The following CEP83 variants were observed in gnomAD, a reference collection of about 807,000 sequenced individuals.
The protein encoded by CEP83 is centrosomal protein 83.
Under a neutral mutation model 101.9 loss-of-function variants are expected in CEP83, and 70 were observed. That is an observed-to-expected ratio of 0.69 (90% CI 0.57 to 0.84). The LOEUF is 0.84. Among genes scored for constraint, CEP83 ranks in the 40% least tolerant of loss-of-function variants. The pLI, the probability that CEP83 is intolerant of heterozygous loss-of-function variation, is 0.00. For synonymous variants in CEP83, 264 were observed against 267.9 expected (o/e 0.99, Z 0.14); for missense variants, 715 against 787.2 (o/e 0.91, Z 1.10).
chr12:94,384,395 G>T (rs1421775847), intron 6 of CEP83, among the ~76,000 whole-genome samples: 1 of 151,942 alleles, frequency 6.6e-6, no homozygotes, highest in Non-Finnish European at 1.5e-5. Context: ...CCTGACTATG[G>T]TATCTCTTGC....
chr12:94,337,881 A>T (rs1032915917), intron 11 of CEP83, among the ~76,000 whole-genome samples: 3 of 152,140 alleles, frequency 2.0e-5, no homozygotes, highest in African/African-American at 7.2e-5. Flanking sequence ...GAATGGATGA[A>T]GGTACCGGAA....
chr12:94,407,420 T>C (rs1300632502), intron 4 of CEP83, among the ~76,000 whole-genome samples: 4 of 152,214 alleles, frequency 2.6e-5, no homozygotes, highest in African/African-American at 9.6e-5. Flanking sequence ...CTGTGCTCAC[T>C]ACCCTGTAGA....
intron 14 of CEP83, among the ~76,000 whole-genome samples, chr12:94,328,817 C>CT (rs1356088846): frequency 6.6e-6 from 1 of 152,190 alleles, no homozygotes; most frequent in Non-Finnish European, 1.5e-5. Context: ...GAGCACCAGA[C>CT]TGAGAACAGA....
rs1380328375 is a variant in CEP83, at chr12:94,331,686, T to A, written c.1707+14A>T. 6.2e-7 allele frequency: 1 copy of A among 1,612,766 alleles called. No individual in the cohort carries two copies. Among genetic ancestry groups the A allele is most frequent in the African/African-American group, 1.3e-5 (1 of 74,910 alleles). On this transcript the variant is annotated intron_variant, in intron 14 of 16. Coordinates refer to ENST00000397809, the MANE Select transcript of CEP83 (RefSeq NM_016122.3). ...CATGCCTGGCCAGAGATCACTTTAATAAGAACCACTTGCCTTTTTCTGGGC... is the reference window on the plus strand; with the variant it reads ...CATGCCTGGCCAGAGATCACTTTAAAAAGAACCACTTGCCTTTTTCTGGGC...
At chr12:94,453,220 A>G (rs1485066437) in intron 1 of CEP83, among the ~76,000 whole-genome samples, 1 of 151,914 alleles carries the variant, frequency 6.6e-6, no homozygotes, top group East Asian at 1.9e-4. Context: ...ATTCTACACA[A>G]CTCTCACTAG....
intron 2 of CEP83, among the ~76,000 whole-genome samples, chr12:94,416,846 G>A (rs1016171444): frequency 4.6e-5 from 7 of 151,820 alleles, no homozygotes; most frequent in Non-Finnish European, 7.4e-5. Context: ...TGGCACAGAA[G>A]GCCTAGTGGA....
At chr12:94,277,874 G>A in the CEP83 span, 19 of 451,464 alleles carry the variant, frequency 4.2e-5, no homozygotes, top group East Asian at 7.0e-5. Flanking sequence ...CTAGAAGGCC[G>A]GTACTGTTAT....
chr12:94,432,988 T>G (rs1349267830), intron 2 of CEP83, among the ~76,000 whole-genome samples: 2 of 152,082 alleles, frequency 1.3e-5, no homozygotes, highest in Admixed American at 6.5e-5. Context: ...CAGGGAAAAC[T>G]TCACAAAGCA....
At chr12:94,399,013 C>T (rs2063082986) in intron 6 of CEP83, among the ~76,000 whole-genome samples, 1 of 152,190 alleles carries the variant, frequency 6.6e-6, no homozygotes, top group Non-Finnish European at 1.5e-5. Context: ...AGATGTTTAT[C>T]AAGACAATAC....
chr12:94,417,407 G>A (rs1383721975), intron 2 of CEP83, among the ~76,000 whole-genome samples: 2 of 152,004 alleles, frequency 1.3e-5, no homozygotes, highest in Admixed American at 6.6e-5. Flanking sequence ...TCCTCTACCA[G>A]AAAAGTGTCA....
rs147976462 is a variant in CEP83, at chr12:94,340,407, A to G, written c.1344-4743T>C. 4.1e-3 allele frequency among the ~76,000 whole-genome samples: 621 copies of G among 151,684 alleles called. 2 individuals carry two copies. The highest frequency in any genetic ancestry group is 0.014 in the African/African-American group (574 of 41,340). On this transcript the variant is annotated intron_variant, in intron 11 of 16. Coordinates refer to ENST00000397809, the MANE Select transcript of CEP83 (RefSeq NM_016122.3). ...CGCAGTGGTAGGTCCAGGGATGAGC[A>G]TGTGAACTAGACCCAAACTTGTCTC...
In CEP83 at chr12:94,307,889, A is replaced by T. The variant is rs965943815; in HGVS notation, c.*924T>A. On this transcript the variant is annotated 3_prime_UTR_variant, in exon 17 of 17. Transcript: ENST00000397809. ...TCACTATCAACTGGGACTTTTGACT[A>T]TGAACACCTTGGGATAATGAACATT... 1 of 152,178 alleles carries T rather than the reference A, an allele frequency of 6.6e-6. No individual in the cohort carries two copies. Among genetic ancestry groups the T allele is most frequent in the Non-Finnish European group, 1.5e-5 (1 of 68,028 alleles). 9.4% of individuals were successfully genotyped at this position (152,178 alleles called of 1,614,324 possible).
At chr12:94,376,722 CACACACACACATATAT>C (rs2061562787) in intron 7 of CEP83, among the ~76,000 whole-genome samples, 4 of 121,900 alleles carry the variant, frequency 3.3e-5, no homozygotes, top group Non-Finnish European at 7.1e-5. Flanking sequence ...CACACACACA[CACACACACACATATAT>C]ATATATATAT....
At chr12:94,304,935 G>T (rs1968849002), downstream of CEP83, among the ~76,000 whole-genome samples, 1 of 152,228 alleles carries the variant, frequency 6.6e-6, no homozygotes, top group South Asian at 2.1e-4. Flanking sequence ...GGCCTAGGAA[G>T]CCTGGCCCCA....
chr12:94,291,192 G>A, the CEP83 span, among the ~76,000 whole-genome samples: 1 of 152,214 alleles, frequency 6.6e-6, no homozygotes, highest in Admixed American at 6.5e-5. Context: ...GCCTGCCTTT[G>A]TCAAATGTAT....
At chr12:94,434,059 G>A (rs191943954) in intron 2 of CEP83, 7 of 152,064 alleles carry the variant, frequency 4.6e-5, no homozygotes, top group South Asian at 2.1e-4. Flanking sequence ...TGGCTCTGTC[G>A]GGAACAAAGA....
At chr12:94,366,287 CA>C (rs571352989) in intron 11 of CEP83, among the ~76,000 whole-genome samples, 95 of 152,044 alleles carry the variant, frequency 6.2e-4, no homozygotes, top group African/African-American at 2.2e-3. Flanking sequence ...AAGTGAATAA[CA>C]AACCACATTA....
chr12:94,377,841 GTC>G (rs2137155873), intron 7 of CEP83, among the ~76,000 whole-genome samples: 1 of 152,278 alleles, frequency 6.6e-6, no homozygotes, highest in Non-Finnish European at 1.5e-5. Flanking sequence ...AACATAAATA[GTC>G]TCACAATGAA....
chr12:94,390,995 G>A (rs1055561731), intron 6 of CEP83, among the ~76,000 whole-genome samples: 11 of 152,256 alleles, frequency 7.2e-5, no homozygotes, highest in African/African-American at 1.9e-4. Context: ...CCAAATCTAC[G>A]TCTGACTGGT....
Sources: gnomAD v4.1 joint callset for allele counts (sites outside exome capture counted in the v4.1 genomes callset) on GRCh38, gnomAD v4.1.1 for gene constraint, MANE v1.5 for transcripts, NCBI Gene and HGNC (gene_info 2026-07-23, HGNC 2026-07-21) for gene names.